Variants in WWP2 observed in about 807,000 individuals in gnomAD.
WWP2 encodes WW domain containing E3 ubiquitin protein ligase 2.
WWP2 carries 57 observed loss-of-function variants against 121.0 expected under a neutral mutation model. That is an observed-to-expected ratio of 0.47 (90% confidence interval 0.38 to 0.59). The LOEUF is 0.59. Ranked by LOEUF, WWP2 falls within the 20% of genes least tolerant of loss-of-function variation. WWP2 has a pLI of 0.00. For missense variants in WWP2, 962 were observed against 1,158.9 expected (o/e 0.83, Z 2.47); for synonymous variants, 449 against 441.3 (o/e 1.02, Z -0.22).
At chr16:69,813,225 C>T (rs569145219) in intron 4 of WWP2, among the ~76,000 whole-genome samples, 3 of 150,524 alleles carry the variant, frequency 2.0e-5, no homozygotes, top group Admixed American at 1.3e-4. Context: ...TGCAATGGCG[C>T]GATCTTCGCT....
In WWP2 at chr16:69,925,063, G is replaced by C; in HGVS notation, c.1180-367G>C. ...CAGTCGCCTTGGCCGCCTTGAGCCG[G>C]AGCTGAGCGGAGGCACTGGGCCGAG... On this transcript the variant is annotated intron_variant, in intron 10 of 23. Coordinates refer to ENST00000359154, the MANE Select transcript of WWP2 (RefSeq NM_001270454.2). The surrounding 1 kb of genome is among the most constrained non-coding windows in gnomAD (Gnocchi z 4.0). The C allele has an allele frequency of 1.4e-5, 14 of 1,023,396 alleles. No homozygotes were observed. The highest frequency in any genetic ancestry group is 1.6e-5 in the Non-Finnish European group (14 of 855,266). The allele number at this position is 1,023,396 out of a possible 1,614,324, so 63.4% of individuals were successfully genotyped here.
Position 69,939,416 on chromosome 16 carries a change from G to A in WWP2, c.2513+3G>A, listed in dbSNP as rs761149182. ...TGGCTGCCCAGAAGCCACACCTGGT[G>A]AGCCTGCTGGTTTTAGTGGGAGGTC... On this transcript the variant is annotated splice_donor_region_variant and intron_variant, in intron 23 of 23. Coordinates refer to ENST00000359154, the MANE Select transcript of WWP2 (RefSeq NM_001270454.2). 2 of 1,614,138 alleles carry A rather than the reference G, an allele frequency of 1.2e-6. No individual in the cohort carries two copies. Among genetic ancestry groups the A allele is most frequent in the South Asian group, 1.1e-5 (1 of 91,082 alleles).
At chr16:69,882,466 A>G (rs1182539332) in intron 7 of WWP2, among the ~76,000 whole-genome samples, 2 of 152,224 alleles carry the variant, frequency 1.3e-5, no homozygotes, top group Non-Finnish European at 2.9e-5. Flanking sequence ...AATGTTAAGC[A>G]TTACGGACAA....
chr16:69,843,478 A>G (rs1439898735), intron 6 of WWP2, among the ~76,000 whole-genome samples: 1 of 152,182 alleles, frequency 6.6e-6, no homozygotes, highest in Non-Finnish European at 1.5e-5. Flanking sequence ...TTTAGAGGAC[A>G]TTTTGAGGAA....
intron 8 of WWP2, among the ~76,000 whole-genome samples, chr16:69,892,149 CAAT>C (rs1307233551): frequency 6.6e-6 from 1 of 151,886 alleles, no homozygotes; most frequent in African/African-American, 2.4e-5. Context: ...TTAAATGAAA[CAAT>C]GATTCTCTCT....
At chr16:69,928,697 G>T (rs764054382) in intron 11 of WWP2, among the ~76,000 whole-genome samples, 1 of 152,074 alleles carries the variant, frequency 6.6e-6, no homozygotes, top group African/African-American at 2.4e-5. Flanking sequence ...ATCACTTGAG[G>T]CCAGGAGTTC....
chr16:69,789,880 A>G (rs533079118), intron 2 of WWP2, among the ~76,000 whole-genome samples: 14 of 152,302 alleles, frequency 9.2e-5, no homozygotes, highest in Admixed American at 3.3e-4. Context: ...AAAAATCCAC[A>G]TGTAACTTTT....
At chr16:69,879,382 C>G (rs1484946270) in intron 7 of WWP2, among the ~76,000 whole-genome samples, 1 of 152,036 alleles carries the variant, frequency 6.6e-6, no homozygotes, top group Non-Finnish European at 1.5e-5. Flanking sequence ...CATTTCCCCC[C>G]AACCTGACCG....
chr16:69,765,780 C>T (rs1434456639), intron 1 of WWP2, among the ~76,000 whole-genome samples: 1 of 152,034 alleles, frequency 6.6e-6, no homozygotes, highest in Non-Finnish European at 1.5e-5. Context: ...ACCAAGATCG[C>T]GCCACTGCAC....
intron 9 of WWP2, 143 bp downstream of exon 9, chr16:69,908,993 C>T (rs2058341951): frequency 6.8e-7 from 1 of 1,464,628 alleles, no homozygotes; most frequent in Non-Finnish European, 9.0e-7. Context: ...TTCCTATCCA[C>T]TTACCTTAAT....
intron 16 of WWP2, chr16:69,933,268 T>G: frequency 2.6e-6 from 1 of 388,694 alleles, no homozygotes; most frequent in Non-Finnish European, 5.3e-6. Context: ...CTTGCTGGTT[T>G]AGCTCAAGCC....
At chr16:69,841,777 C>T (rs2056982717) in intron 5 of WWP2, among the ~76,000 whole-genome samples, 1 of 152,148 alleles carries the variant, frequency 6.6e-6, no homozygotes, top group Admixed American at 6.5e-5. Flanking sequence ...CTTGGATGTT[C>T]TTCAATGTCT....
chr16:69,936,949 T>G, intron 19 of WWP2, 169 bp from the exon 20 acceptor site: 1 of 845,642 alleles, frequency 1.2e-6, no homozygotes, highest in Non-Finnish European at 1.8e-6. Context: ...CAGGTCACTG[T>G]GAGGTTTTCA....
intron 4 of WWP2, among the ~76,000 whole-genome samples, chr16:69,804,527 T>C (rs569789825): frequency 1.3e-5 from 2 of 152,230 alleles, no homozygotes; most frequent in Non-Finnish European, 2.9e-5. Context: ...TTAGGGACTT[T>C]CCATTGAATC....
At chr16:69,868,988 A>G (rs2057581384) in intron 6 of WWP2, among the ~76,000 whole-genome samples, 1 of 152,142 alleles carries the variant, frequency 6.6e-6, no homozygotes, top group African/African-American at 2.4e-5. Flanking sequence ...CCCGGGTTCT[A>G]AGTGATTCTC....
chr16:69,793,711 AG>A (rs2055962764), intron 2 of WWP2, among the ~76,000 whole-genome samples: 2 of 152,080 alleles, frequency 1.3e-5, no homozygotes, highest in Admixed American at 6.6e-5. Context: ...GTTCTGCAAT[AG>A]CGATGTTATC....
intron 9 of WWP2, 167 bp downstream of exon 9, chr16:69,909,017 C>T (rs2058342284): frequency 1.4e-6 from 2 of 1,410,738 alleles, no homozygotes; most frequent in South Asian, 3.3e-5. Context: ...GCTCCCATGT[C>T]TTAGGACATA....
At chr16:69,768,002 T>C (rs999125315) in intron 1 of WWP2, among the ~76,000 whole-genome samples, 3 of 152,124 alleles carry the variant, frequency 2.0e-5, no homozygotes, top group African/African-American at 7.2e-5. Flanking sequence ...CATGCCTAGC[T>C]AATTTTTAAC....
At chr16:69,908,739 T>C (rs1321822181) in intron 8 of WWP2, 22 bp from the exon 9 acceptor site, 1 of 1,613,950 alleles carries the variant, frequency 6.2e-7, no homozygotes, top group East Asian at 2.2e-5. Context: ...TGTCTCATGC[T>C]ACCCTTGACT....
Sources: allele counts gnomAD v4.1 joint callset (sites outside exome capture counted in the v4.1 genomes callset), GRCh38; gene constraint gnomAD v4.1.1; non-coding constraint Gnocchi (gnomAD v3.1); transcripts MANE v1.5; gene names NCBI Gene and HGNC (gene_info 2026-07-23, HGNC 2026-07-21).